NUP160: variants seen among roughly 807,000 people sequenced by gnomAD.
The protein encoded by NUP160 is nuclear pore complex protein Nup160.
A neutral mutation model predicts 196.9 loss-of-function variants in NUP160; 94 were observed. The ratio of observed to expected loss-of-function variants is 0.48; its 90% CI spans 0.40 to 0.57. The LOEUF is 0.57. Ranked by LOEUF, NUP160 falls within the 20% of genes least tolerant of loss-of-function variation. The pLI is 0.00. For synonymous variants in NUP160, 605 were observed against 619.7 expected, an observed-to-expected ratio of 0.98 and a Z score of 0.35; for missense variants, 1,638 against 1,748.3, an observed-to-expected ratio of 0.94 and a Z score of 1.13.
intron 7 of NUP160, among the ~76,000 whole-genome samples, chr11:47,823,006 T>C (rs1851895871): frequency 6.6e-6 from 1 of 152,212 alleles, no homozygotes; most frequent in Non-Finnish European, 1.5e-5. Flanking sequence ...TCTTTGCGAT[T>C]GTGAATAGTG....
chr11:47,787,648 G>A (rs1371026036), intron 31 of NUP160, among the ~76,000 whole-genome samples: 1 of 151,588 alleles, frequency 6.6e-6, no homozygotes. Context: ...GGTCCCAAGC[G>A]ATCCACCCGC....
At chr11:47,829,817 T>G (rs555730666) in intron 7 of NUP160, among the ~76,000 whole-genome samples, 1 of 152,112 alleles carries the variant, frequency 6.6e-6, no homozygotes, top group Non-Finnish European at 1.5e-5. Context: ...GGGCAAAGAT[T>G]TCAAGACGAA....
chr11:47,819,352 T>C (rs963293986), intron 10 of NUP160, 22 bp downstream of exon 10: 1 of 1,460,668 alleles, frequency 6.8e-7, no homozygotes, highest in South Asian at 1.1e-5. Context: ...TTCCCTTATA[T>C]AACATTTGAG....
intron 2 of NUP160, among the ~76,000 whole-genome samples, chr11:47,844,038 T>C (rs762405443): frequency 3.9e-5 from 6 of 152,226 alleles, no homozygotes; most frequent in Non-Finnish European, 8.8e-5. Flanking sequence ...TAACTTCCAA[T>C]TGCTCAAGCC....
chr11:47,810,005 T>C (rs533279101), intron 17 of NUP160, among the ~76,000 whole-genome samples: 1 of 152,154 alleles, frequency 6.6e-6, no homozygotes, highest in South Asian at 2.1e-4. Flanking sequence ...GTAAAGGTTC[T>C]ACAATGAATA....
intron 7 of NUP160, among the ~76,000 whole-genome samples, chr11:47,824,607 C>CA (rs968505106): frequency 5.6e-4 from 84 of 148,906 alleles, no homozygotes; most frequent in African/African-American, 1.4e-3. Context: ...GACTCTATCT[C>CA]AAAAAAAAAT....
intron 20 of NUP160, 43 bp downstream of exon 20, chr11:47,806,110 G>A (rs372429591): frequency 7.9e-5 from 126 of 1,593,136 alleles, no homozygotes; most frequent in Non-Finnish European, 9.9e-5. Flanking sequence ...CAACATGCCC[G>A]GCCAGAAGAG....
chr11:47,806,203 C>T (rs1189325079), exon 20 of NUP160: 2 of 1,613,984 alleles, frequency 1.2e-6, no homozygotes, highest in East Asian at 4.5e-5. Flanking sequence ...CAGGCCAATT[C>T]AATCCAGTTT....
At chr11:47,806,053 A>T in intron 20 of NUP160, 100 bp downstream of exon 20, 1 of 1,118,732 alleles carries the variant, frequency 8.9e-7, no homozygotes, top group Non-Finnish European at 1.3e-6. Context: ...GCCATAAGTG[A>T]TAAACCTGCC....
chr11:47,783,338 T>A, intron 33 of NUP160, 140 bp from the exon 34 acceptor site: 1 of 1,108,770 alleles, frequency 9.0e-7, no homozygotes, highest in South Asian at 1.7e-5. Flanking sequence ...CTCATCTGTA[T>A]CTTAGGATAA....
At chr11:47,830,492 C>T (rs1292366594) in intron 7 of NUP160, among the ~76,000 whole-genome samples, 7 of 152,062 alleles carry the variant, frequency 4.6e-5, no homozygotes, top group African/African-American at 1.7e-4. Context: ...CTGAATAAAA[C>T]ATGGTACATA....
chr11:47,845,555 G>C (rs887973301), intron 2 of NUP160, among the ~76,000 whole-genome samples: 13 of 152,138 alleles, frequency 8.5e-5, no homozygotes, highest in Admixed American at 3.3e-4. Context: ...CCCTTTTCCT[G>C]TAACAAAACT....
At position 47,848,356 on chromosome 11, in the gene NUP160, C is replaced by T. The variant is rs568148612; in HGVS notation, c.65G>A (p.Cys22Tyr). The T allele has an allele frequency of 4.1e-5, 66 of 1,611,880 alleles. No individual in the cohort carries two copies. The highest frequency in any genetic ancestry group is 5.3e-5 in the Non-Finnish European group (62 of 1,179,090). The change falls in exon 1 of 36, where the codon TGC becomes TAC. Residue 22 changes from cysteine to tyrosine, a missense_variant. Coordinates refer to ENST00000378460, the Ensembl canonical transcript of NUP160. Reference sequence around the variant, plus strand: ...GCCGCGACGCCCAACGGAACAAAGGCAGGGCCGCGCGGTCGCCGTCACTTC... The same window carrying T: ...GCCGCGACGCCCAACGGAACAAAGGTAGGGCCGCGCGGTCGCCGTCACTTC...
intron 5 of NUP160, 86 bp downstream of exon 5, chr11:47,837,459 G>C: frequency 9.8e-7 from 1 of 1,018,220 alleles, no homozygotes. Flanking sequence ...GTTTGCCTTG[G>C]AATAAGACTG....
intron 23 of NUP160, among the ~76,000 whole-genome samples, chr11:47,801,347 A>C (rs951369936): frequency 6.6e-6 from 1 of 151,996 alleles, no homozygotes; most frequent in East Asian, 1.9e-4. Flanking sequence ...ATGTTTCTTT[A>C]ATTTCTTTTT....
intron 15 of NUP160, 146 bp from the exon 16 acceptor site, chr11:47,812,575 A>G (rs1483068215): frequency 1.8e-5 from 14 of 783,140 alleles, no homozygotes; most frequent in Admixed American, 9.4e-5. Context: ...TACAGTCCCT[A>G]TGCATAGCAA....
intron 13 of NUP160, among the ~76,000 whole-genome samples, chr11:47,814,074 A>AAC: frequency 7.2e-6 from 1 of 138,190 alleles, no homozygotes; most frequent in Non-Finnish European, 1.5e-5. Context: ...CTGTCTCAAA[A>AAC]AAAAAAAAAA....
chr11:47,779,491 C>A, intron 35 of NUP160: 3 of 493,850 alleles, frequency 6.1e-6, no homozygotes, highest in East Asian at 5.1e-5. Context: ...ACCAGAAATG[C>A]TGCATCTGAT....
intron 23 of NUP160, among the ~76,000 whole-genome samples, chr11:47,800,253 A>G (rs945161527): frequency 5.5e-4 from 78 of 140,716 alleles, no homozygotes; most frequent in African/African-American, 1.8e-3. Context: ...AAAAAAAAGG[A>G]AAAAAAAAAA....
Sources: allele counts gnomAD v4.1 joint callset (sites outside exome capture counted in the v4.1 genomes callset), GRCh38; gene constraint gnomAD v4.1.1; transcripts MANE v1.5; gene names NCBI Gene and HGNC (gene_info 2026-07-23, HGNC 2026-07-21).